The following TMEM39A variants were observed in gnomAD, a reference collection of about 807,000 sequenced individuals.
TMEM39A encodes the protein suppressor of SQST-1 aggregates in rpl-43 mutants.
A neutral mutation model predicts 51.9 loss-of-function variants in TMEM39A; 19 were observed. The ratio of observed to expected loss-of-function variants is 0.37; its 90% CI spans 0.26 to 0.54. The LOEUF (loss-of-function observed/expected upper bound fraction) is 0.54. TMEM39A is among the 20% of genes least tolerant of loss of function. TMEM39A has a pLI of 0.88. For synonymous variants in TMEM39A, 197 were observed against 220.2 expected, an observed-to-expected ratio of 0.89 and a Z score of 0.93; for missense variants, 433 against 590.5, an observed-to-expected ratio of 0.73 and a Z score of 2.76.
intron 8 of TMEM39A, among the ~76,000 whole-genome samples, chr3:119,434,472 G>A (rs758768171): frequency 6.6e-6 from 1 of 151,820 alleles, no homozygotes; most frequent in Admixed American, 6.6e-5. Context: ...GATGAAAAAG[G>A]AGTCTTAGAT....
chr3:119,449,779 T>C (rs1317913919), intron 4 of TMEM39A, among the ~76,000 whole-genome samples: 5 of 152,180 alleles, frequency 3.3e-5, no homozygotes, highest in Admixed American at 2.6e-4. Context: ...TTCAGGTTGG[T>C]GAAAAAACAG....
chr3:119,451,774 G>A (rs867044854), intron 4 of TMEM39A, among the ~76,000 whole-genome samples: 5 of 135,096 alleles, frequency 3.7e-5, no homozygotes, highest in Admixed American at 8.2e-5. Flanking sequence ...AGGTTGTGGC[G>A]AGCCGAGATC....
intron 4 of TMEM39A, among the ~76,000 whole-genome samples, chr3:119,448,243 T>C (rs1296250805): frequency 2.6e-5 from 4 of 152,220 alleles, no homozygotes; most frequent in Non-Finnish European, 5.9e-5. Flanking sequence ...ATATATTAAG[T>C]ACTTGTCAAA....
chr3:119,445,890 A>G (rs552884884), intron 5 of TMEM39A, among the ~76,000 whole-genome samples: 2 of 152,318 alleles, frequency 1.3e-5, no homozygotes, highest in East Asian at 3.9e-4. Flanking sequence ...CAATCATAAT[A>G]ATATATATAC....
chr3:119,436,372 G>A (rs534010996), intron 7 of TMEM39A, among the ~76,000 whole-genome samples: 4 of 152,328 alleles, frequency 2.6e-5, no homozygotes, highest in African/African-American at 7.2e-5. Flanking sequence ...AAGAAAAAAT[G>A]AGAGAATCAT....
At chr3:119,445,223 A>AT (rs1399600474) in intron 5 of TMEM39A, among the ~76,000 whole-genome samples, 1 of 152,180 alleles carries the variant, frequency 6.6e-6, no homozygotes, top group Non-Finnish European at 1.5e-5. Flanking sequence ...ACAAAACTCC[A>AT]TATACACAAG....
intron 8 of TMEM39A, 84 bp from the exon 9 acceptor site, chr3:119,432,298 A>G (rs2080911435): frequency 1.0e-6 from 1 of 962,084 alleles, no homozygotes; most frequent in Non-Finnish European, 1.5e-6. Flanking sequence ...TTCTAAAATA[A>G]TTTAACATTT....
intron 3 of TMEM39A, among the ~76,000 whole-genome samples, chr3:119,457,106 G>T (rs887387416): frequency 6.6e-6 from 1 of 152,060 alleles, no homozygotes; most frequent in East Asian, 1.9e-4. Context: ...AAGTAGCTGG[G>T]ACTACAGGCG....
intron 4 of TMEM39A, among the ~76,000 whole-genome samples, chr3:119,450,713 T>C (rs2081186518): frequency 6.7e-6 from 1 of 148,912 alleles, no homozygotes; most frequent in Non-Finnish European, 1.5e-5. Context: ...TCCCAGCTAC[T>C]CAGGAGGCTG....
chr3:119,444,064 A>G (rs1377254427), intron 5 of TMEM39A, among the ~76,000 whole-genome samples: 1 of 152,240 alleles, frequency 6.6e-6, no homozygotes, highest in African/African-American at 2.4e-5. Flanking sequence ...TCTCTGAGGT[A>G]TGCCTGTATG....
At chr3:119,456,366 T>G (rs1560020145) in intron 3 of TMEM39A, among the ~76,000 whole-genome samples, 2 of 152,196 alleles carry the variant, frequency 1.3e-5, no homozygotes, top group South Asian at 4.1e-4. Flanking sequence ...TCTTATCACA[T>G]GATATTAAGT....
Position 119,438,032 on chromosome 3 carries a change from T to C in TMEM39A, c.647A>G (p.Asn216Ser), listed in dbSNP as rs775608760. Residue 216 changes from asparagine (N) to serine (S), a missense_variant, in exon 6 of 9, where the codon AAC becomes AGC. Asn to Ser is a conservative substitution (Grantham distance 46). Transcript: ENST00000319172. ...TACTGCCTCGTGCTGAACCACATAG[T>C]TGTAGTCTGTGAGAAGAAGATGTGC... ...SRAHLLLTDY[N>S]YVVQHEAVEE... 6.2e-7 allele frequency: 1 copy of C among 1,611,330 alleles called. No homozygotes were observed. Among genetic ancestry groups the C allele is most frequent in the Admixed American group, 1.7e-5 (1 of 59,986 alleles).
Position 119,431,181 on chromosome 3 carries a change from C to T in TMEM39A, c.*800G>A, listed in dbSNP as rs1451374200. ...CACTCTCCCAGTTACTTGGAATTTTCAACCTTCCCATACTCTAGCCCACAT... is the reference window on the plus strand; with the variant it reads ...CACTCTCCCAGTTACTTGGAATTTTTAACCTTCCCATACTCTAGCCCACAT... On this transcript the variant is annotated 3_prime_UTR_variant, in exon 9 of 9. Coordinates refer to ENST00000319172, the MANE Select transcript of TMEM39A (RefSeq NM_018266.3). 6.6e-6 allele frequency: 1 copy of T among 152,136 alleles called. No homozygotes were observed. Among genetic ancestry groups the T allele is most frequent in the Non-Finnish European group, 1.5e-5 (1 of 68,016 alleles). 9.4% of individuals were successfully genotyped at this position (152,136 alleles called of 1,614,324 possible). A position where few individuals can be genotyped will look rare whatever the true frequency, so the allele number is the denominator to read the frequency against.
chr3:119,444,414 G>A (rs763511018), intron 5 of TMEM39A, among the ~76,000 whole-genome samples: 9 of 152,084 alleles, frequency 5.9e-5, no homozygotes, highest in African/African-American at 1.4e-4. Context: ...AAAAATGTTC[G>A]TAACAGATAA....
In TMEM39A at chr3:119,447,107, T is replaced by G; in HGVS notation, c.486A>C (p.Leu162=). The G allele has an allele frequency of 1.9e-6, 3 of 1,613,990 alleles. No homozygotes were observed. The highest frequency in any genetic ancestry group is 2.5e-6 in the Non-Finnish European group (3 of 1,179,978). The change falls in exon 5 of 9, where the codon CTA becomes CTC. Residue 162 remains leucine (L), a synonymous_variant. Coordinates refer to ENST00000319172, the MANE Select transcript of TMEM39A (RefSeq NM_018266.3). ...AAAGTACCCATCCACACAAAGTGAG[T>G]AGTACCAAGCGAGCTGATATCAGAA... ...YMVLISARLV[L]LTLCGWVLCW...
intron 5 of TMEM39A, among the ~76,000 whole-genome samples, chr3:119,441,567 G>C (rs1003758572): frequency 6.6e-6 from 1 of 152,188 alleles, no homozygotes; most frequent in Non-Finnish European, 1.5e-5. Context: ...GGTTAACAGC[G>C]GTTAGTTCGT....
At chr3:119,437,618 A>G (rs1031830541) in intron 6 of TMEM39A, 137 bp downstream of exon 6, 1 of 618,772 alleles carries the variant, frequency 1.6e-6, no homozygotes, top group Non-Finnish European at 2.7e-6. Flanking sequence ...GTATTAGTGC[A>G]CTCCAGATGC....
At chr3:119,433,796 G>T (rs984763770) in intron 8 of TMEM39A, among the ~76,000 whole-genome samples, 5 of 152,124 alleles carry the variant, frequency 3.3e-5, no homozygotes, top group African/African-American at 9.7e-5. Flanking sequence ...TCACTCAAGG[G>T]CTTTCCACCT....
chr3:119,435,698 A>G, intron 7 of TMEM39A: 1 of 987,528 alleles, frequency 1.0e-6, no homozygotes, highest in Non-Finnish European at 1.2e-6. Context: ...AAAAAATTCT[A>G]GCACCCTAAA....
Sources: allele counts gnomAD v4.1 joint callset (sites outside exome capture counted in the v4.1 genomes callset), GRCh38; gene constraint gnomAD v4.1.1; transcripts MANE v1.5; gene names NCBI Gene and HGNC (gene_info 2026-07-23, HGNC 2026-07-21).